Variants in SLC25A26 observed in about 807,000 individuals in gnomAD.
The protein encoded by SLC25A26 is mitochondrial S-adenosylmethionine carrier protein.
Under a neutral mutation model 37.8 loss-of-function variants are expected in SLC25A26, and 36 were observed. That is an observed-to-expected ratio of 0.95 (90% CI 0.73 to 1.26). The LOEUF is 1.26. Ranked by LOEUF, SLC25A26 falls within the 50% of genes most tolerant of loss-of-function variation. The pLI is 0.00. For synonymous variants in SLC25A26, 129 were observed against 122.5 expected (o/e 1.05, Z -0.35); for missense variants, 390 against 331.1 (o/e 1.18, Z -1.38).
intron 5 of SLC25A26, among the ~76,000 whole-genome samples, chr3:66,303,297 A>G (rs534949874): frequency 1.3e-5 from 2 of 152,348 alleles, no homozygotes; most frequent in South Asian, 2.1e-4. Flanking sequence ...CACAACTGCA[A>G]GTATCTTTAA....
upstream of SLC25A26, among the ~76,000 whole-genome samples, chr3:66,219,851 G>T (rs554735367): frequency 6.6e-6 from 1 of 152,108 alleles, no homozygotes; most frequent in Non-Finnish European, 1.5e-5. Flanking sequence ...TAATAGTACC[G>T]CATGACAAAG....
intron 5 of SLC25A26, among the ~76,000 whole-genome samples, chr3:66,275,265 G>T (rs2074099868): frequency 1.0e-5 from 1 of 99,324 alleles, no homozygotes; most frequent in Admixed American, 1.4e-4. Flanking sequence ...TGGGGGGCGG[G>T]AGGAGGGATA....
rs1241855761 is a variant in SLC25A26 at position 66,236,593 on chromosome 3, A to T, written c.83A>T (p.Asp28Val). The change falls in exon 2 of 10, where the codon GAT becomes GTT. Residue 28 changes from aspartate to valine, a missense_variant. Transcript: ENST00000354883. ...GTTGACTTGATATTATTTCCTCTGGATACCATTAAAACCAGGCTGCAGAGT... is the reference window on the plus strand; with the variant it reads ...GTTGACTTGATATTATTTCCTCTGGTTACCATTAAAACCAGGCTGCAGAGT... ...VSVDLILFPL[D>V]TIKTRLQSPQ... The T allele has an allele frequency of 2.0e-6, 3 of 1,508,628 alleles. No individual in the cohort carries two copies. In the Admixed American group the frequency reaches 5.9e-5, roughly 30 times the overall value. The allele number at this position is 1,508,628 out of a possible 1,614,324, so 93.5% of individuals were successfully genotyped here.
chr3:66,241,036 C>T lies in SLC25A26; in HGVS notation c.191-2167C>T, dbSNP rs980864198. Among the ~76,000 whole-genome samples the T allele has an allele frequency of 5.3e-5, 8 of 152,126 alleles. No individual in the cohort carries two copies. In the East Asian group the frequency reaches 9.7e-4, roughly 18 times the overall value. ...TGCTGGGAATACAGGCGTGAGCCAC[C>T]GTACCTGGCCACCTTTTCTTAATTT... On this transcript the variant is annotated intron_variant, in intron 2 of 9. Coordinates refer to ENST00000354883, the MANE Select transcript of SLC25A26 (RefSeq NM_001379210.1).
chr3:66,236,527 C>A lies in SLC25A26; in HGVS notation c.34-17C>A. ...AACCTTTTTTTTTTCTTTTTCTTCC[C>A]TCTTTTTTTTTCAAAGGCTGGTGGG... is the stretch of plus-strand genomic sequence containing the variant. On this transcript the variant is annotated splice_polypyrimidine_tract_variant and intron_variant, in intron 1 of 9. Coordinates refer to ENST00000354883, the MANE Select transcript of SLC25A26 (RefSeq NM_001379210.1). 1 of 1,422,900 alleles carries A rather than the reference C, an allele frequency of 7.0e-7. No individual in the cohort carries two copies. Among genetic ancestry groups the A allele is most frequent in the Non-Finnish European group, 9.2e-7 (1 of 1,082,550 alleles). The allele number at this position is 1,422,900 out of a possible 1,614,324, so 88.1% of individuals were successfully genotyped here.
At chr3:66,233,922 T>A (rs1375133983) in intron 1 of SLC25A26, among the ~76,000 whole-genome samples, 2 of 152,190 alleles carry the variant, frequency 1.3e-5, no homozygotes, top group Non-Finnish European at 2.9e-5. Context: ...TGATTAAAAT[T>A]TAGCAGTAGA....
chr3:66,329,819 T>C (rs79307195), intron 5 of SLC25A26, among the ~76,000 whole-genome samples: 1 of 152,176 alleles, frequency 6.6e-6, no homozygotes, highest in East Asian at 1.9e-4. Flanking sequence ...TGCCTCAGAC[T>C]CCCAATGTGC....
At chr3:66,371,172 A>G (rs993922981) in intron 9 of SLC25A26, 3 of 1,456,016 alleles carry the variant, frequency 2.1e-6, no homozygotes, top group Non-Finnish European at 2.7e-6. Context: ...GAGATCTTAC[A>G]GGCATGTGAA....
chr3:66,167,054 T>C (rs991120335), intron 1 of SLC25A26, among the ~76,000 whole-genome samples: 1 of 152,226 alleles, frequency 6.6e-6, no homozygotes, highest in Non-Finnish European at 1.5e-5. Context: ...CCTTCCACCA[T>C]GATTGTGAGG....
chr3:66,249,157 A>G (rs902913607), intron 3 of SLC25A26, among the ~76,000 whole-genome samples: 2 of 152,200 alleles, frequency 1.3e-5, no homozygotes, highest in Non-Finnish European at 2.9e-5. Context: ...TAAACTGGTT[A>G]TTTTTGAGTG....
chr3:66,371,386 A>G (rs1447032065), intron 9 of SLC25A26: 8 of 1,522,478 alleles, frequency 5.3e-6, no homozygotes, highest in South Asian at 3.7e-5. Context: ...AATCTCAGCT[A>G]TTTGATGATC....
intron 1 of SLC25A26, chr3:66,134,095 G>T (rs1162710593): frequency 6.6e-6 from 1 of 152,152 alleles, no homozygotes; most frequent in Non-Finnish European, 1.5e-5. Flanking sequence ...TAGCTATTTA[G>T]AAGTTATTTT....
chr3:66,367,954 C>T (rs1192631781), intron 7 of SLC25A26, among the ~76,000 whole-genome samples: 1 of 152,138 alleles, frequency 6.6e-6, no homozygotes, highest in Non-Finnish European at 1.5e-5. Flanking sequence ...TTCAAATATT[C>T]ATGTCAGTTG....
intron 5 of SLC25A26, among the ~76,000 whole-genome samples, chr3:66,338,550 C>T (rs1398521548): frequency 3.3e-5 from 5 of 151,958 alleles, no homozygotes; most frequent in Non-Finnish European, 5.9e-5. Context: ...CTACCATAAT[C>T]ATAATATTTG....
intron 6 of SLC25A26, among the ~76,000 whole-genome samples, chr3:66,357,672 G>A (rs2076607119): frequency 6.6e-6 from 1 of 151,612 alleles, no homozygotes; most frequent in Non-Finnish European, 1.5e-5. Context: ...ACTTATTTAG[G>A]TTGAGAAATT....
chr3:66,219,109 G>C (rs2071404705), upstream of SLC25A26, among the ~76,000 whole-genome samples: 1 of 152,338 alleles, frequency 6.6e-6, no homozygotes, highest in African/African-American at 2.4e-5. Context: ...TTCCTAAACT[G>C]TGGGAGTGCC....
At chr3:66,268,001 A>T (rs1326451718) in intron 5 of SLC25A26, among the ~76,000 whole-genome samples, 1 of 152,116 alleles carries the variant, frequency 6.6e-6, no homozygotes, top group African/African-American at 2.4e-5. Context: ...CATGTTATAT[A>T]AGTCTCCTTA....
At chr3:66,150,640 A>G (rs1422717835) in intron 1 of SLC25A26, among the ~76,000 whole-genome samples, 10 of 88,888 alleles carry the variant, frequency 1.1e-4, no homozygotes, top group Non-Finnish European at 1.8e-4. Context: ...ATATATATAT[A>G]TATATATATA....
chr3:66,150,644 A>C (rs1341712074), intron 1 of SLC25A26, among the ~76,000 whole-genome samples: 3 of 94,378 alleles, frequency 3.2e-5, no homozygotes, highest in Non-Finnish European at 6.3e-5. Context: ...ATATATATAT[A>C]TATATATATA....
Sources: gnomAD v4.1 joint callset for allele counts (sites outside exome capture counted in the v4.1 genomes callset) on GRCh38, gnomAD v4.1.1 for gene constraint, MANE v1.5 for transcripts, NCBI Gene and HGNC (gene_info 2026-07-23, HGNC 2026-07-21) for gene names.